CACUL1: variants seen among roughly 807,000 people sequenced by gnomAD.
CACUL1 encodes the protein CDK2-associated and cullin domain-containing protein 1.
Under a neutral mutation model 45.2 loss-of-function variants are expected in CACUL1, and 13 were observed. The observed-to-expected ratio is 0.29, with a 90% CI of 0.19 to 0.46. The LOEUF (loss-of-function observed/expected upper bound fraction) is 0.46, where lower values mean the gene tolerates loss of function less well. Ranked by LOEUF, CACUL1 falls within the 20% of genes least tolerant of loss-of-function variation. The probability of loss-of-function intolerance (pLI) is 1.00; values close to 1 mark genes in which losing one functional copy is unlikely to be tolerated. For synonymous variants in CACUL1, 197 were observed against 174.2 expected (o/e 1.13, Z -1.03); for missense variants, 421 against 471.4 (o/e 0.89, Z 0.99).
chr10:118,724,033 G>A (rs1430871920), intron 3 of CACUL1, among the ~76,000 whole-genome samples: 1 of 152,110 alleles, frequency 6.6e-6, no homozygotes, highest in Non-Finnish European at 1.5e-5. Flanking sequence ...CCAAAGTGCT[G>A]GGATTACAGG....
In CACUL1 at chr10:118,679,388, T is replaced by C. The variant is rs1452062605; in HGVS notation, c.*6740A>G. The C allele has an allele frequency of 6.6e-6, 1 of 151,802 alleles. No homozygotes were observed. The highest frequency in any genetic ancestry group is 2.4e-5 in the African/African-American group (1 of 41,272). The allele number at this position is 151,802 out of a possible 1,614,324, so 9.4% of individuals were successfully genotyped here. A position where few individuals can be genotyped will look rare whatever the true frequency, so the allele number is the denominator to read the frequency against. On this transcript the variant is annotated 3_prime_UTR_variant, in exon 9 of 9. Transcript: ENST00000369151. ...TTTTTTTTTAATTTATTTTTATTTT[T>C]TATTTTTTGTAGAGACAGGGTTTCA...
At chr10:118,742,754 G>C (rs1027658728) in intron 1 of CACUL1, among the ~76,000 whole-genome samples, 3 of 152,182 alleles carry the variant, frequency 2.0e-5, no homozygotes, top group Admixed American at 6.5e-5. Context: ...ACTCTAGTTA[G>C]AGTCTCTAGA....
intron 3 of CACUL1, among the ~76,000 whole-genome samples, chr10:118,723,320 C>T (rs535695370): frequency 6.6e-6 from 1 of 152,056 alleles, no homozygotes; most frequent in Non-Finnish European, 1.5e-5. Flanking sequence ...TTTACCATTT[C>T]CTGGACAATG....
At position 118,678,617 on chromosome 10, in the gene CACUL1, A is replaced by C. The variant is rs943559870; in HGVS notation, c.*7511T>G. ...TTCTCTACACTTATTTAGGTCCATT[A>C]AGTTTTTTTTTTATCATTTTCTCAT... On this transcript the variant is annotated 3_prime_UTR_variant, in exon 9 of 9. Transcript: ENST00000369151. The C allele has an allele frequency of 1.4e-5, 2 of 143,320 alleles. No individual in the cohort carries two copies. Among genetic ancestry groups the C allele is most frequent in the Non-Finnish European group, 3.0e-5 (2 of 66,858 alleles). 8.9% of individuals were successfully genotyped at this position (143,320 alleles called of 1,614,324 possible).
chr10:118,692,862 T>C (rs1845285804), intron 6 of CACUL1: 1 of 152,124 alleles, frequency 6.6e-6, no homozygotes, highest in Non-Finnish European at 1.5e-5. Flanking sequence ...AGCTGGCAAA[T>C]AAGCACTGCA....
At chr10:118,733,778 G>A (rs139449133) in intron 1 of CACUL1, among the ~76,000 whole-genome samples, 3 of 152,202 alleles carry the variant, frequency 2.0e-5, no homozygotes, top group African/African-American at 4.8e-5. Context: ...TTGGGAGACC[G>A]AGGCGAGAGC....
intron 1 of CACUL1, among the ~76,000 whole-genome samples, chr10:118,750,938 G>T (rs1166180835): frequency 1.3e-5 from 2 of 152,216 alleles, no homozygotes; most frequent in Non-Finnish European, 2.9e-5. Flanking sequence ...CAGGGAAAAT[G>T]CGGTACCATC....
intron 4 of CACUL1, among the ~76,000 whole-genome samples, chr10:118,702,408 A>G (rs1278619629): frequency 6.6e-6 from 1 of 152,208 alleles, no homozygotes; most frequent in Non-Finnish European, 1.5e-5. Context: ...TCAAGTCCTT[A>G]GTAATACTAT....
intron 4 of CACUL1, among the ~76,000 whole-genome samples, chr10:118,705,598 A>G (rs1412242189): frequency 6.6e-6 from 1 of 152,196 alleles, no homozygotes; most frequent in East Asian, 1.9e-4. Flanking sequence ...CCAAAATTGT[A>G]AGCAAAAATA....
rs182750119 is a variant in CACUL1 at position 118,716,790 on chromosome 10, G to A, written c.598-9203C>T. On this transcript the variant is annotated intron_variant, in intron 3 of 8. Transcript: ENST00000369151. ...CCTAATTTTTTGTATTTTTACTAGA[G>A]ACACGGTTTCACCGTGTTAGCCAGG... Among the ~76,000 whole-genome samples, 156 of 152,172 alleles carry A rather than the reference G, an allele frequency of 1.0e-3. 1 individual carries two copies. Among genetic ancestry groups the A allele is most frequent in the Non-Finnish European group, 1.7e-3 (116 of 68,012 alleles).
At chr10:118,748,831 G>A (rs997219270) in intron 1 of CACUL1, among the ~76,000 whole-genome samples, 16 of 152,056 alleles carry the variant, frequency 1.1e-4, no homozygotes, top group African/African-American at 3.1e-4. Flanking sequence ...CACACCAGAC[G>A]GCGACATGGG....
At chr10:118,688,954 CTGTT>C (rs1845234765) in intron 7 of CACUL1, among the ~76,000 whole-genome samples, 1 of 152,130 alleles carries the variant, frequency 6.6e-6, no homozygotes, top group African/African-American at 2.4e-5. Context: ...CACATTAAAG[CTGTT>C]TGTTGCCTAC....
chr10:118,700,976 G>A (rs1454744680), intron 5 of CACUL1, among the ~76,000 whole-genome samples: 1 of 152,160 alleles, frequency 6.6e-6, no homozygotes, highest in Non-Finnish European at 1.5e-5. Flanking sequence ...TCCTTCTAGA[G>A]TTACTAGTAG....
At chr10:118,728,158 A>G (rs77230505) in intron 3 of CACUL1, among the ~76,000 whole-genome samples, 1 of 152,328 alleles carries the variant, frequency 6.6e-6, no homozygotes, top group African/African-American at 2.4e-5. Flanking sequence ...GAAAAAAAAC[A>G]CAAAAAAACT....
At chr10:118,739,007 A>G (rs2119661644) in intron 1 of CACUL1, among the ~76,000 whole-genome samples, 1 of 151,480 alleles carries the variant, frequency 6.6e-6, no homozygotes, top group Non-Finnish European at 1.5e-5. Context: ...TCTCCTGGCT[A>G]ACACGGTGAA....
chr10:118,690,662 A>G (rs1845256632), intron 7 of CACUL1, among the ~76,000 whole-genome samples: 1 of 152,246 alleles, frequency 6.6e-6, no homozygotes, highest in Non-Finnish European at 1.5e-5. Flanking sequence ...TAAAAGTTCT[A>G]TATGCACAGG....
At chr10:118,714,500 A>G (rs1464341479) in intron 3 of CACUL1, among the ~76,000 whole-genome samples, 1 of 152,224 alleles carries the variant, frequency 6.6e-6, no homozygotes, top group Non-Finnish European at 1.5e-5. Flanking sequence ...CACAAGTTTC[A>G]TTATTGGCAA....
At chr10:118,712,672 G>T (rs970107518) in intron 3 of CACUL1, among the ~76,000 whole-genome samples, 2 of 152,208 alleles carry the variant, frequency 1.3e-5, no homozygotes, top group African/African-American at 4.8e-5. Flanking sequence ...GCTCCTAGCA[G>T]AAAGGGTAGC....
chr10:118,698,041 T>C (rs148692845), intron 5 of CACUL1, among the ~76,000 whole-genome samples: 1 of 152,330 alleles, frequency 6.6e-6, no homozygotes, highest in East Asian at 1.9e-4. Context: ...TAATGAATAA[T>C]ATGGGGCAAT....
Sources: allele counts gnomAD v4.1 joint callset (sites outside exome capture counted in the v4.1 genomes callset), GRCh38; gene constraint gnomAD v4.1.1; transcripts MANE v1.5; gene names NCBI Gene and HGNC (gene_info 2026-07-23, HGNC 2026-07-21).